Variants in LRRC7 observed in about 807,000 individuals in gnomAD.
The protein encoded by LRRC7 is leucine-rich repeat-containing protein 7.
A neutral mutation model predicts 175.7 loss-of-function variants in LRRC7; 23 were observed. The ratio of observed to expected loss-of-function variants is 0.13; its 90% CI spans 0.09 to 0.19. LRRC7 has a LOEUF of 0.19. Among genes scored for constraint, LRRC7 ranks in the 10% least tolerant of loss-of-function variants. The probability of loss-of-function intolerance (pLI) is 1.00; values close to 1 mark genes in which losing one functional copy is unlikely to be tolerated. For synonymous variants in LRRC7, 685 were observed against 680.9 expected (o/e 1.01, Z -0.09); for missense variants, 1,354 against 1,904.7 (o/e 0.71, Z 5.38).
At chr1:69,863,293 C>A (rs1206757304) in intron 7 of LRRC7, among the ~76,000 whole-genome samples, 3 of 152,138 alleles carry the variant, frequency 2.0e-5, no homozygotes, top group Non-Finnish European at 4.4e-5. Context: ...CATTCCAACC[C>A]CAGGCACCTT....
Position 69,854,897 on chromosome 1 carries a change from C to T in LRRC7, c.647+16614C>T, listed in dbSNP as rs75359614. Reference sequence around the variant, plus strand: ...CCTGCCTTTAGCAGAAACATCATGGCGAAGTGGGGGGGACCTGGGCTTTAG... The same window carrying T: ...CCTGCCTTTAGCAGAAACATCATGGTGAAGTGGGGGGGACCTGGGCTTTAG... On this transcript the variant is annotated intron_variant, in intron 7 of 26. Transcript: ENST00000651989. Among the ~76,000 whole-genome samples, 895 of 152,120 alleles carry T rather than the reference C, an allele frequency of 5.9e-3. 12 individuals carry two copies. The highest frequency in any genetic ancestry group is 0.021 in the African/African-American group (871 of 41,512).
chr1:69,843,537 G>A (rs919523053), intron 7 of LRRC7, among the ~76,000 whole-genome samples: 1 of 151,978 alleles, frequency 6.6e-6, no homozygotes. Flanking sequence ...CGTAAATGGT[G>A]TATCTATTAT....
chr1:70,056,828 A>G (rs143451439), intron 23 of LRRC7, among the ~76,000 whole-genome samples: 1 of 152,174 alleles, frequency 6.6e-6, no homozygotes, highest in Admixed American at 6.5e-5. Flanking sequence ...AAGGAAAAAC[A>G]AGGGAAAGTA....
At position 69,768,563 on chromosome 1, in the gene LRRC7, T is replaced by C. The variant is rs147112702; in HGVS notation, c.303+8170T>C. 4.3e-3 allele frequency among the ~76,000 whole-genome samples: 662 copies of C among 152,300 alleles called. 2 individuals carry two copies. The highest frequency in any genetic ancestry group is 0.014 in the African/African-American group (574 of 41,566). ...AAGATACTGCCTAACTACTTTATCATTGCCATAAAACATCACTGTAAATAT... is the reference window on the plus strand; with the variant it reads ...AAGATACTGCCTAACTACTTTATCACTGCCATAAAACATCACTGTAAATAT... On this transcript the variant is annotated intron_variant, in intron 3 of 26. Coordinates refer to ENST00000651989, the MANE Select transcript of LRRC7 (RefSeq NM_001370785.2).
intron 2 of LRRC7, among the ~76,000 whole-genome samples, chr1:69,757,840 A>G (rs1202454382): frequency 6.6e-6 from 1 of 151,802 alleles, no homozygotes; most frequent in Non-Finnish European, 1.5e-5. Flanking sequence ...CTATTGCATC[A>G]CTGGGGGTGG....
intron 2 of LRRC7, among the ~76,000 whole-genome samples, chr1:69,743,803 G>C (rs1056747124): frequency 1.3e-5 from 2 of 151,888 alleles, no homozygotes; most frequent in South Asian, 4.1e-4. Flanking sequence ...CTAAGAGTCT[G>C]TACAGAGGGA....
At chr1:69,764,778 T>TAGATAGATAGATAGACAGAC (rs1427408341) in intron 3 of LRRC7, among the ~76,000 whole-genome samples, 39 of 144,518 alleles carry the variant, frequency 2.7e-4, no homozygotes, top group African/African-American at 6.3e-4. Flanking sequence ...GATAGATAGA[T>TAGATAGATAGATAGACAGAC]AGACAGACAG....
At chr1:69,908,646 G>A (rs1158256555) in intron 7 of LRRC7, among the ~76,000 whole-genome samples, 11 of 147,562 alleles carry the variant, frequency 7.5e-5, no homozygotes, top group East Asian at 2.0e-4. Context: ...TATAATTTCC[G>A]TTCTTTTACA....
intron 3 of LRRC7, among the ~76,000 whole-genome samples, chr1:69,778,452 C>A (rs189237269): frequency 1.3e-5 from 2 of 152,202 alleles, no homozygotes; most frequent in Admixed American, 6.5e-5. Context: ...TGCATAAATA[C>A]TTATAATTTT....
At chr1:69,772,437 G>A (rs1672345523) in intron 3 of LRRC7, among the ~76,000 whole-genome samples, 1 of 152,108 alleles carries the variant, frequency 6.6e-6, no homozygotes, top group Non-Finnish European at 1.5e-5. Context: ...GAGAAAGACT[G>A]GGGCTAAATC....
At chr1:69,980,339 T>C in intron 8 of LRRC7, 40 bp from the exon 9 acceptor site, 3 of 1,465,868 alleles carry the variant, frequency 2.0e-6, no homozygotes, top group Non-Finnish European at 2.9e-6. Flanking sequence ...ACTAATTTAA[T>C]TTTGTTTTCC....
chr1:69,888,587 C>T (rs1645730597), intron 7 of LRRC7, among the ~76,000 whole-genome samples: 1 of 152,200 alleles, frequency 6.6e-6, no homozygotes, highest in Non-Finnish European at 1.5e-5. Flanking sequence ...CTGCGTCGCT[C>T]ACGCTGGGAG....
chr1:69,631,458 T>C (rs1476306509), intron 1 of LRRC7, among the ~76,000 whole-genome samples: 1 of 152,098 alleles, frequency 6.6e-6, no homozygotes, highest in East Asian at 1.9e-4. Context: ...GACTTGTAGC[T>C]ACAAGGTTTA....
At chr1:69,590,746 CTT>C (rs1646597365) in intron 1 of LRRC7, among the ~76,000 whole-genome samples, 5 of 152,052 alleles carry the variant, frequency 3.3e-5, no homozygotes, top group Admixed American at 3.3e-4. Flanking sequence ...TTGTTAGGCT[CTT>C]TTAGATAGTC....
chr1:69,762,287 C>G (rs1285535719), intron 3 of LRRC7, among the ~76,000 whole-genome samples: 1 of 151,948 alleles, frequency 6.6e-6, no homozygotes, highest in Non-Finnish European at 1.5e-5. Flanking sequence ...CTACACAGTA[C>G]TTGAAGCTTT....
At chr1:69,890,795 C>T (rs973891579) in intron 7 of LRRC7, among the ~76,000 whole-genome samples, 1 of 152,226 alleles carries the variant, frequency 6.6e-6, no homozygotes, top group African/African-American at 2.4e-5. Flanking sequence ...TGTCGCTTCA[C>T]CTTGCACTTT....
At chr1:69,716,939 A>T (rs538529147) in intron 2 of LRRC7, among the ~76,000 whole-genome samples, 1 of 151,962 alleles carries the variant, frequency 6.6e-6, no homozygotes, top group East Asian at 1.9e-4. Context: ...CGAAAATTGT[A>T]ATAAAATCAG....
chr1:69,745,510 T>C (rs1276858727), intron 2 of LRRC7, among the ~76,000 whole-genome samples: 1 of 151,860 alleles, frequency 6.6e-6, no homozygotes, highest in Non-Finnish European at 1.5e-5. Flanking sequence ...AGGCAATAAT[T>C]ATAATTTGGA....
At chr1:69,739,163 G>C (rs1260259810) in intron 2 of LRRC7, among the ~76,000 whole-genome samples, 1 of 152,016 alleles carries the variant, frequency 6.6e-6, no homozygotes, top group Non-Finnish European at 1.5e-5. Context: ...AAAGGACATA[G>C]AGAAAGAAAA....
Sources: allele counts gnomAD v4.1 joint callset (sites outside exome capture counted in the v4.1 genomes callset), GRCh38; gene constraint gnomAD v4.1.1; transcripts MANE v1.5; gene names NCBI Gene and HGNC (gene_info 2026-07-23, HGNC 2026-07-21).